The following AGBL4 variants were observed in gnomAD, a reference collection of about 807,000 sequenced individuals.
AGBL4 encodes the protein AGBL carboxypeptidase 4.
AGBL4 carries 58 observed loss-of-function variants against 66.4 expected under a neutral mutation model. That is an observed-to-expected ratio of 0.87 (90% CI 0.71 to 1.09). The LOEUF is 1.09. Ranked by LOEUF, AGBL4 falls within the 50% of genes least tolerant of loss-of-function variation. The probability of loss-of-function intolerance (pLI) is 0.00; values close to 1 mark genes in which losing one functional copy is unlikely to be tolerated. For missense variants in AGBL4, 579 were observed against 631.0 expected (o/e 0.92, Z 0.88); for synonymous variants, 234 against 222.9 (o/e 1.05, Z -0.44).
intron 3 of AGBL4, among the ~76,000 whole-genome samples, chr1:49,262,135 C>T (rs1402169491): frequency 3.9e-5 from 6 of 152,208 alleles, no homozygotes; most frequent in Non-Finnish European, 8.8e-5. Context: ...GGATACCTTC[C>T]TTACACCTTA....
At chr1:48,716,446 A>C (rs1647052013) in intron 6 of AGBL4, among the ~76,000 whole-genome samples, 2 of 152,168 alleles carry the variant, frequency 1.3e-5, no homozygotes, top group Admixed American at 6.5e-5. Flanking sequence ...GTGGGGACTC[A>C]GTTCAGGGAG....
At chr1:49,494,354 C>T (rs545094457) in intron 3 of AGBL4, among the ~76,000 whole-genome samples, 4 of 151,900 alleles carry the variant, frequency 2.6e-5, no homozygotes, top group Non-Finnish European at 5.9e-5. Flanking sequence ...ATACATGTGA[C>T]ATGCTGGTGC....
chr1:49,742,132 G>A (rs1450748754), intron 2 of AGBL4, among the ~76,000 whole-genome samples: 1 of 152,128 alleles, frequency 6.6e-6, no homozygotes, highest in Non-Finnish European at 1.5e-5. Flanking sequence ...CAGATGACAT[G>A]ATTGTATATC....
chr1:49,257,986 A>G (rs1484820115), intron 3 of AGBL4, among the ~76,000 whole-genome samples: 1 of 152,228 alleles, frequency 6.6e-6, no homozygotes, highest in Non-Finnish European at 1.5e-5. Flanking sequence ...ACGATCAGAC[A>G]GCAGCATTTG....
chr1:49,176,207 T>C (rs114499974), intron 4 of AGBL4, among the ~76,000 whole-genome samples: 49 of 152,318 alleles, frequency 3.2e-4, no homozygotes, highest in African/African-American at 1.1e-3. Context: ...TTGTAAACTA[T>C]GTACCATGTT....
intron 1 of AGBL4, among the ~76,000 whole-genome samples, chr1:49,935,603 A>T (rs891572922): frequency 7.9e-5 from 12 of 152,168 alleles, no homozygotes; most frequent in Non-Finnish European, 1.3e-4. Flanking sequence ...GGGCAGACTG[A>T]CACCTCACAT....
chr1:49,087,047 A>G (rs1399349065), intron 4 of AGBL4, among the ~76,000 whole-genome samples: 2 of 151,690 alleles, frequency 1.3e-5, no homozygotes, highest in Non-Finnish European at 2.9e-5. Context: ...AAAAAAAAAA[A>G]GCCAAAAACC....
At chr1:49,514,764 C>T (rs1360602357) in intron 3 of AGBL4, among the ~76,000 whole-genome samples, 1 of 152,018 alleles carries the variant, frequency 6.6e-6, no homozygotes, top group Non-Finnish European at 1.5e-5. Flanking sequence ...TTTGACAAAC[C>T]TGACAAAAAC....
At chr1:49,948,054 A>C (rs1353534919) in intron 1 of AGBL4, among the ~76,000 whole-genome samples, 1 of 3,730 alleles carries the variant, frequency 2.7e-4, no homozygotes, top group Non-Finnish European at 4.6e-4. Context: ...ATATATAAAT[A>C]TATATATGTA....
intron 3 of AGBL4, among the ~76,000 whole-genome samples, chr1:49,352,324 A>G (rs1386931919): frequency 6.7e-6 from 1 of 150,260 alleles, no homozygotes; most frequent in Non-Finnish European, 1.5e-5. Context: ...GTTTGAATAA[A>G]GTATTCTCTT....
intron 3 of AGBL4, among the ~76,000 whole-genome samples, chr1:49,442,335 G>A (rs1646053141): frequency 6.6e-6 from 1 of 152,342 alleles, no homozygotes; most frequent in Non-Finnish European, 1.5e-5. Context: ...AAAGTGGGAA[G>A]ACTATTCCAA....
At chr1:48,761,067 C>G (rs1280952105) in intron 6 of AGBL4, 1 of 329,790 alleles carries the variant, frequency 3.0e-6, no homozygotes, top group Non-Finnish European at 5.6e-6. Flanking sequence ...AGAAACACAC[C>G]GTTCCAAACC....
At chr1:49,371,682 C>T (rs1644348149) in intron 3 of AGBL4, among the ~76,000 whole-genome samples, 1 of 151,976 alleles carries the variant, frequency 6.6e-6, no homozygotes, top group South Asian at 2.1e-4. Flanking sequence ...TATCTCTATC[C>T]CCGTATATGT....
intron 3 of AGBL4, among the ~76,000 whole-genome samples, chr1:49,331,164 C>G (rs531261640): frequency 2.0e-5 from 3 of 152,016 alleles, no homozygotes; most frequent in African/African-American, 7.2e-5. Context: ...CACAGAGACC[C>G]AGGAGGTTTA....
At chr1:49,143,332 T>G (rs1286777287) in intron 4 of AGBL4, among the ~76,000 whole-genome samples, 1 of 152,078 alleles carries the variant, frequency 6.6e-6, no homozygotes, top group African/African-American at 2.4e-5. Flanking sequence ...ATTTCAAGAG[T>G]TAACTCAAGG....
intron 11 of AGBL4, among the ~76,000 whole-genome samples, chr1:48,551,023 C>T (rs1285445152): frequency 1.3e-5 from 2 of 152,200 alleles, no homozygotes; most frequent in Non-Finnish European, 1.5e-5. Context: ...CTTCTGGCTT[C>T]CAGTTTCTCC....
At chr1:49,693,805 TAAG>T (rs1646933056) in intron 3 of AGBL4, among the ~76,000 whole-genome samples, 1 of 152,158 alleles carries the variant, frequency 6.6e-6, no homozygotes, top group African/African-American at 2.4e-5. Context: ...CATATTTAAA[TAAG>T]AAGATCTGCT....
intron 3 of AGBL4, among the ~76,000 whole-genome samples, chr1:49,571,026 C>G (rs1046044018): frequency 1.3e-4 from 19 of 151,668 alleles, no homozygotes; most frequent in African/African-American, 4.6e-4. Context: ...TATGATGCCT[C>G]TAGCTTCATT....
chr1:48,652,865 C>T (rs114881333), intron 8 of AGBL4, among the ~76,000 whole-genome samples: 1 of 152,132 alleles, frequency 6.6e-6, no homozygotes, highest in Non-Finnish European at 1.5e-5. Context: ...ACCTGGGATT[C>T]TATTCTCATT....
Sources: allele counts gnomAD v4.1 joint callset (sites outside exome capture counted in the v4.1 genomes callset), GRCh38; gene constraint gnomAD v4.1.1; transcripts MANE v1.5; gene names NCBI Gene and HGNC (gene_info 2026-07-23, HGNC 2026-07-21).